Variants in WDR7 observed in about 807,000 individuals in gnomAD.
The protein encoded by WDR7 is WD repeat domain 7.
Under a neutral mutation model 169.4 loss-of-function variants are expected in WDR7, and 46 were observed. The ratio of observed to expected loss-of-function variants is 0.27; its 90% confidence interval spans 0.21 to 0.35. The LOEUF (loss-of-function observed/expected upper bound fraction) is 0.35. WDR7 is among the 10% of genes least tolerant of loss of function. WDR7 has a pLI of 1.00. For missense variants in WDR7, 1,534 were observed against 1,859.3 expected (o/e 0.83, Z 3.22); for synonymous variants, 612 against 666.8 (o/e 0.92, Z 1.27).
chr18:56,940,634 T>G (rs79930549), intron 25 of WDR7, among the ~76,000 whole-genome samples: 2,236 of 152,314 alleles, frequency 0.015, 16 homozygotes, highest in African/African-American at 0.026. Flanking sequence ...ATACAGGTAG[T>G]TGTTATTTTT....
chr18:56,665,064 G>A (rs1008342542), intron 1 of WDR7, among the ~76,000 whole-genome samples: 1 of 152,076 alleles, frequency 6.6e-6, no homozygotes, highest in Non-Finnish European at 1.5e-5. Flanking sequence ...GAGGTGAGGC[G>A]GGTGGATCAC....
At chr18:57,026,933 C>T (rs1000436399) in intron 27 of WDR7, 71 bp from the exon 28 acceptor site, 55 of 1,488,228 alleles carry the variant, frequency 3.7e-5, no homozygotes, top group South Asian at 6.2e-5. Context: ...CAGGAGAGAT[C>T]GACCCAGTCT....
intron 20 of WDR7, among the ~76,000 whole-genome samples, chr18:56,864,180 T>G (rs2045849318): frequency 1.3e-5 from 2 of 151,744 alleles, no homozygotes; most frequent in South Asian, 4.1e-4. Context: ...TACTAGAACA[T>G]TTCTAAATAT....
intron 26 of WDR7, among the ~76,000 whole-genome samples, chr18:57,015,561 C>G (rs2048194778): frequency 6.6e-6 from 1 of 152,116 alleles, no homozygotes; most frequent in Admixed American, 6.5e-5. Context: ...ATGTCTTTGT[C>G]TTCTCTCTGC....
rs762585525 is a variant in WDR7 at position 56,685,975 on chromosome 18, C to T, written c.540C>T (p.Leu180=). 9.4e-6 allele frequency: 15 copies of T among 1,602,648 alleles called. No individual in the cohort carries two copies. In the South Asian group the frequency reaches 1.3e-4, roughly 14 times the overall value. ...TTTTAGAGGACACAGTGGTAGCACT[C>T]TCGGTGACTGGCATCCTGAAGGTCT... ...HRTQEDTVVA[L]SVTGILKVWI... The change falls in exon 6 of 28, where the codon CTC becomes CTT. Residue 180 remains leucine, a synonymous_variant. Coordinates refer to ENST00000254442, the MANE Select transcript of WDR7 (RefSeq NM_015285.3).
At chr18:56,945,333 A>C (rs2047088842) in intron 25 of WDR7, among the ~76,000 whole-genome samples, 1 of 152,208 alleles carries the variant, frequency 6.6e-6, no homozygotes, top group South Asian at 2.1e-4. Context: ...TCTATTATGC[A>C]ATTCGTGTCC....
rs1165790420 is a variant in WDR7 at position 56,939,258 on chromosome 18, T to C, written c.3982-53T>C. The C allele has an allele frequency of 5.2e-6, 7 of 1,349,432 alleles. No homozygotes were observed. The Admixed American group carries it at 7.0e-5, about 14-fold the overall frequency. 83.6% of individuals were successfully genotyped at this position (1,349,432 alleles called of 1,614,324 possible). A position where few individuals can be genotyped will look rare whatever the true frequency, so the allele number is the denominator to read the frequency against. ...GAGGCCTAAATTAATCATTTACATT[T>C]TGGAAAATTAAGTATTTGAAATTAA... On this transcript the variant is annotated intron_variant, in intron 24 of 27. Transcript: ENST00000254442.
intron 20 of WDR7, among the ~76,000 whole-genome samples, chr18:56,842,598 T>C (rs999452372): frequency 1.6e-4 from 25 of 152,052 alleles, no homozygotes; most frequent in Admixed American, 1.4e-3. Flanking sequence ...AGACTGTAAG[T>C]AAAGGATTCG....
rs777739680 is a variant in WDR7 at position 56,756,869 on chromosome 18, TTGA to T, written c.2283_2285del (p.Asp761del). On this transcript the variant is annotated inframe_deletion, in exon 15 of 28. Coordinates refer to ENST00000254442, the MANE Select transcript of WDR7 (RefSeq NM_015285.3). ...AAAGAGAACATCAAGGAACACCTCC[TTGA>T]TGATGAAGAGGAGGATGAGGAGATA... is the stretch of plus-strand genomic sequence containing the variant. The T allele has an allele frequency of 4.5e-5, 72 of 1,613,854 alleles. No homozygotes were observed. The highest frequency in any genetic ancestry group is 3.3e-4 in the Middle Eastern group (2 of 6,084).
intron 14 of WDR7, among the ~76,000 whole-genome samples, chr18:56,751,101 A>G (rs553917041): frequency 6.6e-6 from 1 of 151,150 alleles, no homozygotes; most frequent in East Asian, 1.9e-4. Flanking sequence ...TGTTAGCTAT[A>G]GTTTTTGCTA....
At chr18:56,675,532 T>C (rs1179845668) in intron 2 of WDR7, among the ~76,000 whole-genome samples, 1 of 152,062 alleles carries the variant, frequency 6.6e-6, no homozygotes, top group East Asian at 1.9e-4. Flanking sequence ...TGTATAGAAA[T>C]ACATTTGAGT....
At chr18:56,872,289 T>C (rs987857524) in intron 20 of WDR7, among the ~76,000 whole-genome samples, 9 of 152,168 alleles carry the variant, frequency 5.9e-5, no homozygotes, top group African/African-American at 2.2e-4. Flanking sequence ...TTTAGAGTTA[T>C]TTAGTAAAGT....
intron 20 of WDR7, 125 bp from the exon 21 acceptor site, chr18:56,879,819 T>C: frequency 1.4e-6 from 1 of 715,340 alleles, no homozygotes; most frequent in African/African-American, 1.8e-5. Context: ...AGTAACCATT[T>C]GTCCTAGTGC....
intron 12 of WDR7, among the ~76,000 whole-genome samples, chr18:56,703,021 T>C (rs570985228): frequency 1.7e-4 from 26 of 152,232 alleles, no homozygotes; most frequent in Non-Finnish European, 2.8e-4. Flanking sequence ...TTCTTTAATA[T>C]ATTAGTTAAA....
chr18:56,827,092 G>C (rs1403805434), intron 20 of WDR7, among the ~76,000 whole-genome samples: 1 of 152,184 alleles, frequency 6.6e-6, no homozygotes, highest in Non-Finnish European at 1.5e-5. Flanking sequence ...GAGAGACATG[G>C]GAAAAGCTTC....
chr18:56,904,184 C>G (rs1599144457), intron 21 of WDR7, among the ~76,000 whole-genome samples: 1 of 151,972 alleles, frequency 6.6e-6, no homozygotes, highest in South Asian at 2.1e-4. Context: ...ATTCTCCTGC[C>G]TCAGCCTCCC....
At position 57,027,317 on chromosome 18, in the gene WDR7, G is replaced by T; in HGVS notation, c.*110G>T. 1.5e-6 allele frequency: 2 copies of T among 1,364,790 alleles called. No homozygotes were observed. The highest frequency in any genetic ancestry group is 1.4e-5 in the South Asian group (1 of 71,302). The allele number at this position is 1,364,790 out of a possible 1,614,324, so 84.5% of individuals were successfully genotyped here. ...TTCCCAGGGGCCTGCCCACCCCAGT[G>T]CCATCCAGTGGCACGGCCGGGTCTT... On this transcript the variant is annotated 3_prime_UTR_variant, in exon 28 of 28. Transcript: ENST00000254442.
At chr18:57,018,123 G>A (rs2048233061) in intron 26 of WDR7, among the ~76,000 whole-genome samples, 1 of 152,192 alleles carries the variant, frequency 6.6e-6, no homozygotes, top group African/African-American at 2.4e-5. Context: ...ACTTACTGAA[G>A]CAACCTTCTG....
chr18:56,743,702 G>A (rs556284083), intron 14 of WDR7, among the ~76,000 whole-genome samples: 1 of 152,330 alleles, frequency 6.6e-6, no homozygotes, highest in African/African-American at 2.4e-5. Context: ...CTTTTGAAAT[G>A]TGTGTATGAG....
Sources: gnomAD v4.1 joint callset for allele counts (sites outside exome capture counted in the v4.1 genomes callset) on GRCh38, gnomAD v4.1.1 for gene constraint, MANE v1.5 for transcripts, NCBI Gene and HGNC (gene_info 2026-07-23, HGNC 2026-07-21) for gene names.